The following IGF2BP2 variants were observed in gnomAD, a reference collection of about 807,000 sequenced individuals.
IGF2BP2 encodes the protein insulin-like growth factor 2 mRNA-binding protein 2.
IGF2BP2 carries 17 observed loss-of-function variants against 75.8 expected under a neutral mutation model. The ratio of observed to expected loss-of-function variants is 0.22; its 90% confidence interval spans 0.15 to 0.34. The LOEUF (loss-of-function observed/expected upper bound fraction) is 0.34, where lower values mean the gene tolerates loss of function less well. Among genes scored for constraint, IGF2BP2 ranks in the 10% least tolerant of loss-of-function variants. IGF2BP2 has a pLI of 1.00. For missense variants in IGF2BP2, 516 were observed against 772.4 expected, an observed-to-expected ratio of 0.67 and a Z score of 3.93; for synonymous variants, 288 against 295.6, an observed-to-expected ratio of 0.97 and a Z score of 0.26.
rs892179700 is a variant in IGF2BP2 at position 185,696,371 on chromosome 3, T to C, written c.340+241A>G. 9.5e-6 allele frequency: 5 copies of C among 528,424 alleles called. No individual in the cohort carries two copies. The African/African-American group carries it at 9.5e-5, about 10-fold the overall frequency. The allele number at this position is 528,424 out of a possible 1,614,324, so 32.7% of individuals were successfully genotyped here. On this transcript the variant is annotated intron_variant, in intron 4 of 15. Coordinates refer to ENST00000382199, the MANE Select transcript of IGF2BP2 (RefSeq NM_006548.6). ...GTGCTTGAGCACACTGCACAGTATA[T>C]GAGAAACAGCTTGTAAATAATATTC...
chr3:185,748,347 G>C (rs1168591901), intron 2 of IGF2BP2, among the ~76,000 whole-genome samples: 1 of 152,216 alleles, frequency 6.6e-6, no homozygotes, highest in African/African-American at 2.4e-5. Flanking sequence ...CAGTGAACAA[G>C]TACTACTGTG....
At chr3:185,747,270 G>C (rs1340318856) in intron 2 of IGF2BP2, among the ~76,000 whole-genome samples, 1 of 152,132 alleles carries the variant, frequency 6.6e-6, no homozygotes, top group Non-Finnish European at 1.5e-5. Context: ...TCTGAAAACT[G>C]GTAACGCTAC....
chr3:185,807,311 A>C (rs1236958143), intron 2 of IGF2BP2, among the ~76,000 whole-genome samples: 2 of 152,220 alleles, frequency 1.3e-5, no homozygotes, highest in East Asian at 3.8e-4. Flanking sequence ...ATGTGACCCC[A>C]CCTAAAGCAC....
intron 14 of IGF2BP2, among the ~76,000 whole-genome samples, chr3:185,648,294 T>G (rs1323923460): frequency 6.6e-6 from 1 of 152,002 alleles, no homozygotes; most frequent in Non-Finnish European, 1.5e-5. Context: ...AAACCCCGTC[T>G]ATACTAAAAA....
chr3:185,722,275 A>G (rs1304627713), intron 2 of IGF2BP2: 1 of 456,436 alleles, frequency 2.2e-6, no homozygotes, highest in Non-Finnish European at 4.4e-6. Flanking sequence ...AAACTGAGGC[A>G]CAAAAAGAGG....
intron 2 of IGF2BP2, among the ~76,000 whole-genome samples, chr3:185,778,269 C>T (rs1413850736): frequency 1.3e-5 from 2 of 152,072 alleles, no homozygotes; most frequent in Admixed American, 1.3e-4. Flanking sequence ...ACACACACCC[C>T]CACACTCACT....
chr3:185,820,887 A>G, intron 2 of IGF2BP2: 2 of 808,636 alleles, frequency 2.5e-6, no homozygotes, highest in East Asian at 5.7e-5. Flanking sequence ...CAAAAACCAC[A>G]TATAGAATTG....
At chr3:185,700,228 C>G (rs575948404) in intron 2 of IGF2BP2, among the ~76,000 whole-genome samples, 1 of 152,162 alleles carries the variant, frequency 6.6e-6, no homozygotes, top group Non-Finnish European at 1.5e-5. Context: ...CACAGAGGTA[C>G]AGAGATGGAA....
chr3:185,664,256 C>G (rs1019375131), intron 10 of IGF2BP2, among the ~76,000 whole-genome samples: 2 of 152,304 alleles, frequency 1.3e-5, no homozygotes, highest in Admixed American at 1.3e-4. Flanking sequence ...TCTGCCTCTG[C>G]AGCCCAAGAT....
chr3:185,766,402 A>G (rs566015110), intron 2 of IGF2BP2, among the ~76,000 whole-genome samples: 84 of 152,268 alleles, frequency 5.5e-4, no homozygotes, highest in African/African-American at 1.9e-3. Flanking sequence ...GTTTTTGTAT[A>G]GTCTACAAGC....
intron 2 of IGF2BP2, among the ~76,000 whole-genome samples, chr3:185,761,021 A>G (rs1485244071): frequency 6.6e-6 from 1 of 152,022 alleles, no homozygotes; most frequent in Non-Finnish European, 1.5e-5. Context: ...GAGGGGGGGA[A>G]CCAGTAAAGA....
intron 2 of IGF2BP2, among the ~76,000 whole-genome samples, chr3:185,769,413 A>T (rs948862812): frequency 3.3e-5 from 5 of 152,124 alleles, no homozygotes; most frequent in African/African-American, 1.2e-4. Context: ...ATAAAGAGAC[A>T]GCAAACACTC....
chr3:185,649,296 G>T, intron 14 of IGF2BP2, 107 bp downstream of exon 14: 1 of 1,415,730 alleles, frequency 7.1e-7, no homozygotes, highest in South Asian at 1.3e-5. Flanking sequence ...CAAAGACCCT[G>T]ACTGTACATT....
chr3:185,671,374 C>CT (rs1198703924), intron 10 of IGF2BP2, among the ~76,000 whole-genome samples: 1 of 151,776 alleles, frequency 6.6e-6, no homozygotes, highest in East Asian at 1.9e-4. Context: ...GGTGAAACCC[C>CT]TTCTCTACTA....
intron 2 of IGF2BP2, among the ~76,000 whole-genome samples, chr3:185,767,108 G>T (rs571050236): frequency 1.2e-3 from 176 of 152,276 alleles, no homozygotes; most frequent in African/African-American, 4.1e-3. Flanking sequence ...TCTGGCAGAG[G>T]CAGTTGTGGG....
chr3:185,662,447 C>T (rs1249592927), intron 10 of IGF2BP2, among the ~76,000 whole-genome samples: 4 of 140,494 alleles, frequency 2.8e-5, no homozygotes, highest in Non-Finnish European at 6.1e-5. Context: ...CACTGCACTC[C>T]AGCCTGGGTG....
chr3:185,736,401 T>C (rs531879747), intron 2 of IGF2BP2, among the ~76,000 whole-genome samples: 1 of 152,278 alleles, frequency 6.6e-6, no homozygotes, highest in East Asian at 1.9e-4. Context: ...TAGAGATAAT[T>C]CCATGGCCAC....
chr3:185,767,822 T>C (rs964217862), intron 2 of IGF2BP2: 4 of 154,248 alleles, frequency 2.6e-5, no homozygotes, highest in East Asian at 1.9e-4. Context: ...TTGGAAAGCA[T>C]TGGCAATGAT....
chr3:185,729,715 A>T (rs1214018041), intron 2 of IGF2BP2: 3 of 152,246 alleles, frequency 2.0e-5, no homozygotes, highest in Non-Finnish European at 4.4e-5. Context: ...CTGCTTGTCA[A>T]ATTTTGTTGT....
Sources: gnomAD v4.1 joint callset for allele counts (sites outside exome capture counted in the v4.1 genomes callset) on GRCh38, gnomAD v4.1.1 for gene constraint, MANE v1.5 for transcripts, NCBI Gene and HGNC (gene_info 2026-07-23, HGNC 2026-07-21) for gene names.